ZNF740: variants seen among roughly 807,000 people sequenced by gnomAD.
ZNF740 encodes oriLyt TD-element-binding protein 7.
A neutral mutation model predicts 24.8 loss-of-function variants in ZNF740; 14 were observed. That is an observed-to-expected ratio of 0.56 (90% confidence interval 0.37 to 0.88). The LOEUF (loss-of-function observed/expected upper bound fraction) is 0.88. Ranked by LOEUF, ZNF740 falls within the 40% of genes least tolerant of loss-of-function variation. The pLI is 0.00. For missense variants in ZNF740, 201 were observed against 247.9 expected, an observed-to-expected ratio of 0.81 and a Z score of 1.27; for synonymous variants, 69 against 84.0, an observed-to-expected ratio of 0.82 and a Z score of 0.98.
Position 53,194,615 on chromosome 12 carries a change from A to G in ZNF740, c.*7025A>G. ...GTCACAGGCTGGCCAGGTGCTGTAA[A>G]TGTACAGAGACCATGTTTGTGAAGC... On this transcript the variant is annotated 3_prime_UTR_variant, in exon 7 of 7. Coordinates refer to ENST00000416904, the MANE Select transcript of ZNF740 (RefSeq NM_001004304.4). 1 of 390,380 alleles carries G rather than the reference A, an allele frequency of 2.6e-6. No individual in the cohort carries two copies. Among genetic ancestry groups the G allele is most frequent in the Non-Finnish European group, 4.8e-6 (1 of 207,914 alleles). The allele number at this position is 390,380 out of a possible 1,614,324, so 24.2% of individuals were successfully genotyped here.
In ZNF740 at chr12:53,192,222, G is replaced by A. The variant is rs1186975559; in HGVS notation, c.*4632G>A. 1 of 1,309,038 alleles carries A rather than the reference G, an allele frequency of 7.6e-7. No homozygotes were observed. Among genetic ancestry groups the A allele is most frequent in the Non-Finnish European group, 1.1e-6 (1 of 931,084 alleles). 81.1% of individuals were successfully genotyped at this position (1,309,038 alleles called of 1,614,324 possible). On this transcript the variant is annotated 3_prime_UTR_variant, in exon 7 of 7. Transcript: ENST00000416904. ...CCTCTGCCTTTGTCCTGGATTCACA[G>A]TTCTGCTTCAGCCCCCAGCCTGTTT...
Position 53,191,694 on chromosome 12 carries a change from T to C in ZNF740, c.*4104T>C, listed in dbSNP as rs1215619959. 2.6e-6 allele frequency: 4 copies of C among 1,560,028 alleles called. No individual in the cohort carries two copies. Among genetic ancestry groups the C allele is most frequent in the Admixed American group, 3.3e-5 (2 of 59,880 alleles). On this transcript the variant is annotated 3_prime_UTR_variant, in exon 7 of 7. Coordinates refer to ENST00000416904, the MANE Select transcript of ZNF740 (RefSeq NM_001004304.4). Reference sequence around the variant, plus strand: ...ATCCCAGGATTCCTCGTCCCCTTTCTAGACCTAAGAGGCCAGCCTTGAGCC... The same window carrying C: ...ATCCCAGGATTCCTCGTCCCCTTTCCAGACCTAAGAGGCCAGCCTTGAGCC...
chr12:53,187,626 G>T lies in ZNF740; in HGVS notation c.*36G>T. On this transcript the variant is annotated 3_prime_UTR_variant, in exon 7 of 7. Coordinates refer to ENST00000416904, the MANE Select transcript of ZNF740 (RefSeq NM_001004304.4). ...CCCCGGGTGGTGGGAGTGATCAGAAGAACCTGCCGAAGAGCACACCCCCTC... is the reference window on the plus strand; with the variant it reads ...CCCCGGGTGGTGGGAGTGATCAGAATAACCTGCCGAAGAGCACACCCCCTC... 1 of 1,555,326 alleles carries T rather than the reference G, an allele frequency of 6.4e-7. No individual in the cohort carries two copies. Among genetic ancestry groups the T allele is most frequent in the Non-Finnish European group, 8.9e-7 (1 of 1,128,268 alleles).
At chr12:53,185,077 G>A (rs370459373) in intron 3 of ZNF740, 37 bp downstream of exon 3, 4 of 1,610,284 alleles carry the variant, frequency 2.5e-6, no homozygotes, top group South Asian at 1.1e-5. Context: ...CCTGGGGATC[G>A]GGTGGCCCAA....
In ZNF740 at chr12:53,193,705, C is replaced by T. The variant is rs373526891; in HGVS notation, c.*6115C>T. On this transcript the variant is annotated 3_prime_UTR_variant, in exon 7 of 7. Coordinates refer to ENST00000416904, the MANE Select transcript of ZNF740 (RefSeq NM_001004304.4). ...GTGGTTGAAGGGAAGAGGAGGCCCT[C>T]ACCTGCATACACCACATTGTAGGTG... 5.0e-6 allele frequency: 8 copies of T among 1,607,188 alleles called. No individual in the cohort carries two copies. Among genetic ancestry groups the T allele is most frequent in the South Asian group, 3.3e-5 (3 of 90,152 alleles).
intron 2 of ZNF740, among the ~76,000 whole-genome samples, chr12:53,183,159 A>G (rs1266552565): frequency 6.6e-6 from 1 of 152,164 alleles, no homozygotes; most frequent in Non-Finnish European, 1.5e-5. Flanking sequence ...ACTTCTCAGC[A>G]TTGTATTCAG....
chr12:53,190,813 C>T lies in ZNF740; in HGVS notation c.*3223C>T, dbSNP rs945702882. 2.0e-5 allele frequency: 3 copies of T among 151,756 alleles called. No individual in the cohort carries two copies. The highest frequency in any genetic ancestry group is 7.3e-5 in the African/African-American group (3 of 41,252). The allele number at this position is 151,756 out of a possible 1,614,324, so 9.4% of individuals were successfully genotyped here. A position where few individuals can be genotyped will look rare whatever the true frequency, so the allele number is the denominator to read the frequency against. Reference sequence around the variant, plus strand: ...TACCATTAAAGTGCAGTGTATGTTCCTTCGTGATATATTTAGGATATTTAA... The same window carrying T: ...TACCATTAAAGTGCAGTGTATGTTCTTTCGTGATATATTTAGGATATTTAA... On this transcript the variant is annotated 3_prime_UTR_variant, in exon 7 of 7. Coordinates refer to ENST00000416904, the MANE Select transcript of ZNF740 (RefSeq NM_001004304.4).
rs1284887987 is a variant in ZNF740, at chr12:53,187,602, C to T, written c.*12C>T. The T allele has an allele frequency of 3.7e-6, 6 of 1,612,234 alleles. No homozygotes were observed. The highest frequency in any genetic ancestry group is 1.1e-5 in the South Asian group (1 of 90,986). ...AGTTTTCTCTATAGGCGCAAGGGGCCCCGGGTGGTGGGAGTGATCAGAAGA... is the reference window on the plus strand; with the variant it reads ...AGTTTTCTCTATAGGCGCAAGGGGCTCCGGGTGGTGGGAGTGATCAGAAGA... On this transcript the variant is annotated 3_prime_UTR_variant, in exon 7 of 7. Transcript: ENST00000416904.
chr12:53,183,473 A>G (rs1189144661), intron 2 of ZNF740, among the ~76,000 whole-genome samples: 1 of 152,228 alleles, frequency 6.6e-6, no homozygotes, highest in Non-Finnish European at 1.5e-5. Context: ...GAGTTTGCTG[A>G]CCAACGATTT....
intron 4 of ZNF740, 104 bp from the exon 5 acceptor site, chr12:53,185,850 G>A: frequency 1.4e-6 from 2 of 1,462,316 alleles, no homozygotes; most frequent in South Asian, 1.4e-5. Flanking sequence ...GACAGCATCA[G>A]AGAGGTTCCT....
intron 2 of ZNF740, 99 bp downstream of exon 2, chr12:53,182,091 G>A (rs552980213): frequency 6.6e-7 from 1 of 1,505,730 alleles, no homozygotes; most frequent in Non-Finnish European, 9.0e-7. Context: ...CAACCCCAGT[G>A]ATCCAAGCTC....
intron 2 of ZNF740, among the ~76,000 whole-genome samples, 183 bp from the exon 3 acceptor site, chr12:53,184,708 C>A (rs776535327): frequency 6.6e-6 from 1 of 152,154 alleles, no homozygotes; most frequent in Non-Finnish European, 1.5e-5. Context: ...CAAGATAAGT[C>A]GTTCCTGGTG....
intron 3 of ZNF740, 27 bp downstream of exon 3, chr12:53,185,067 CCT>C: frequency 1.2e-6 from 2 of 1,611,320 alleles, no homozygotes; most frequent in South Asian, 2.2e-5. Flanking sequence ...CATTGTGGCA[CCT>C]GGGGATCGGG....
chr12:53,187,525 C>T lies in ZNF740; in HGVS notation c.517C>T (p.Leu173Phe), dbSNP rs1396169748. ...HQCFSRTDRL[L>F]RHKRMCQGCQ... ...GTGTTTTTCTCGGACAGATCGATTACTCAGACACAAACGGATGTGCCAAGG... is the reference window on the plus strand; with the variant it reads ...GTGTTTTTCTCGGACAGATCGATTATTCAGACACAAACGGATGTGCCAAGG... The change falls in exon 7 of 7, where the codon CTC (leucine) becomes TTC (phenylalanine). Residue 173 changes from leucine to phenylalanine, a missense_variant. Leu to Phe is a conservative substitution (Grantham distance 22). Around this residue, in one of 3 missense-constraint regions of ZNF740, gnomAD observed 60 missense variants for 107.8 expected, o/e 0.56. Coordinates refer to ENST00000416904, the MANE Select transcript of ZNF740 (RefSeq NM_001004304.4). The T allele has an allele frequency of 6.2e-7, 1 of 1,614,036 alleles. No individual in the cohort carries two copies. The highest frequency in any genetic ancestry group is 1.1e-5 in the South Asian group (1 of 91,086).
At position 53,194,311 on chromosome 12, in the gene ZNF740, AAG is replaced by A. The variant is rs755819933; in HGVS notation, c.*6724_*6725del. 1.2e-6 allele frequency: 2 copies of A among 1,613,874 alleles called. No homozygotes were observed. The highest frequency in any genetic ancestry group is 1.7e-6 in the Non-Finnish European group (2 of 1,179,980). On this transcript the variant is annotated 3_prime_UTR_variant, in exon 7 of 7. Coordinates refer to ENST00000416904, the MANE Select transcript of ZNF740 (RefSeq NM_001004304.4). ...GAAATGTGGACCCCAGGAGGGAGTG[AAG>A]AGTGTTCAAGGGTCACGGTGGAAGA...
chr12:53,186,172 A>T lies in ZNF740; in HGVS notation c.373+95A>T. 5 of 1,445,600 alleles carry T rather than the reference A, an allele frequency of 3.5e-6. No homozygotes were observed. The South Asian group carries it at 5.3e-5, about 15-fold the overall frequency. 89.5% of individuals were successfully genotyped at this position (1,445,600 alleles called of 1,614,324 possible). A position where few individuals can be genotyped will look rare whatever the true frequency, so the allele number is the denominator to read the frequency against. ...TCTAGTTGGGTTTATTTTAATGGGT[A>T]AGTATTAGAAATGAAGGAAGAAGAT... On this transcript the variant is annotated intron_variant, in intron 5 of 6. Coordinates refer to ENST00000416904, the MANE Select transcript of ZNF740 (RefSeq NM_001004304.4).
In ZNF740 at chr12:53,192,744, ATAG is replaced by A; in HGVS notation, c.*5158_*5160del. On this transcript the variant is annotated 3_prime_UTR_variant, in exon 7 of 7. Coordinates refer to ENST00000416904, the MANE Select transcript of ZNF740 (RefSeq NM_001004304.4). ...CTGGGCATTGGTCGCATAGAGCACC[ATAG>A]TAGCCGTCCAAGCACTGGCAGCGGT... 7 of 1,614,220 alleles carry A rather than the reference ATAG, an allele frequency of 4.3e-6. No individual in the cohort carries two copies. Among genetic ancestry groups the A allele is most frequent in the Non-Finnish European group, 5.9e-6 (7 of 1,180,046 alleles).
chr12:53,184,148 T>C (rs562730708), intron 2 of ZNF740, among the ~76,000 whole-genome samples: 3,606 of 100,356 alleles, frequency 0.036, 186 homozygotes, highest in African/African-American at 0.13. Flanking sequence ...TGTGTGTGTG[T>C]GTGCGCGCGC....
At position 53,193,734 on chromosome 12, in the gene ZNF740, C is replaced by T. The variant is rs147840844; in HGVS notation, c.*6144C>T. The T allele has an allele frequency of 5.0e-6, 8 of 1,613,398 alleles. No homozygotes were observed. In the African/African-American group the frequency reaches 8.0e-5, roughly 16 times the overall value. On this transcript the variant is annotated 3_prime_UTR_variant, in exon 7 of 7. Transcript: ENST00000416904. Reference sequence around the variant, plus strand: ...TGCATACACCACATTGTAGGTGTCCCTGGCCATCACTGCAGTGGGGAGCCT... The same window carrying T: ...TGCATACACCACATTGTAGGTGTCCTTGGCCATCACTGCAGTGGGGAGCCT...
Sources: gnomAD v4.1 joint callset for allele counts (sites outside exome capture counted in the v4.1 genomes callset) on GRCh38, gnomAD v4.1.1 for gene constraint, gnomAD v4.1.1 regional missense constraint, MANE v1.5 for transcripts, NCBI Gene and HGNC (gene_info 2026-07-23, HGNC 2026-07-21) for gene names.